STYXL1: variants seen among roughly 807,000 people sequenced by gnomAD.
STYXL1 encodes the protein serine/threonine/tyrosine-interacting-like protein 1.
Under a neutral mutation model 36.4 loss-of-function variants are expected in STYXL1, and 32 were observed. The ratio of observed to expected loss-of-function variants is 0.88; its 90% CI spans 0.66 to 1.18. The LOEUF is 1.18. STYXL1 is among the 50% of genes most tolerant of loss of function. STYXL1 has a pLI of 0.00. For missense variants in STYXL1, 354 were observed against 394.1 expected (o/e 0.90, Z 0.86); for synonymous variants, 133 against 144.1 (o/e 0.92, Z 0.55).
intron 5 of STYXL1, among the ~76,000 whole-genome samples, chr7:76,005,854 AGGAGAGAGGAGGAAGAGAGAG>A (rs1563467819): frequency 3.4e-3 from 81 of 23,922 alleles, no homozygotes; most frequent in Non-Finnish European, 7.2e-3. Context: ...AAGAGAGAGG[AGGAGAGAGGAGGAAGAGAGAG>A]GAGGAGAGAG....
intron 1 of STYXL1, among the ~76,000 whole-genome samples, chr7:76,035,646 CTTTGGCAGTG>C (rs1554580559): frequency 6.7e-6 from 1 of 149,822 alleles, no homozygotes; most frequent in African/African-American, 2.4e-5. Flanking sequence ...AGCCAGGCCA[CTTTGGCAGTG>C]GTAAGTATAG....
chr7:76,039,595 G>A (rs957823246), intron 1 of STYXL1, among the ~76,000 whole-genome samples: 1 of 152,146 alleles, frequency 6.6e-6, no homozygotes, highest in African/African-American at 2.4e-5. Context: ...AGAGGAGGAG[G>A]AGACCAGGGC....
At chr7:76,006,342 T>C (rs1382308396) in intron 5 of STYXL1, among the ~76,000 whole-genome samples, 2 of 152,080 alleles carry the variant, frequency 1.3e-5, no homozygotes, top group African/African-American at 4.8e-5. Context: ...CCTCCCAAAG[T>C]GTTGGGATAC....
intron 5 of STYXL1, among the ~76,000 whole-genome samples, chr7:76,008,616 G>T (rs937426958): frequency 4.2e-4 from 64 of 152,280 alleles, no homozygotes; most frequent in African/African-American, 1.5e-3. Flanking sequence ...CTGCGGGCAG[G>T]CCCAATTTAC....
chr7:76,004,942 A>C (rs1791470689), intron 6 of STYXL1, among the ~76,000 whole-genome samples: 1 of 152,140 alleles, frequency 6.6e-6, no homozygotes, highest in African/African-American at 2.4e-5. Flanking sequence ...CGGAGCTTGC[A>C]GTGAGCCGAG....
In STYXL1 at chr7:75,996,505, C is replaced by T. The variant is rs373438392; in HGVS notation, c.905G>A (p.Gly302Glu). The T allele has an allele frequency of 3.7e-6, 6 of 1,614,084 alleles. No individual in the cohort carries two copies. Among genetic ancestry groups the T allele is most frequent in the African/African-American group, 1.3e-5 (1 of 74,936 alleles). Reference protein sequence around the residue: ...QLLEWEKTILGDSITNIMDPL... With the variant: ...QLLEWEKTILEDSITNIMDPL... ...ATCCATGATGTTTGTGATGGAATCTCCAAGGATAGTCTTCTCCCATTCCAG... is the reference window on the plus strand; with the variant it reads ...ATCCATGATGTTTGTGATGGAATCTTCAAGGATAGTCTTCTCCCATTCCAG... Residue 302 changes from glycine (G) to glutamate (E), a missense_variant, in exon 9 of 9, where the codon GGA becomes GAA. Transcript: ENST00000359697.
intron 1 of STYXL1, among the ~76,000 whole-genome samples, chr7:76,038,422 A>ATTT (rs1554581241): frequency 7.6e-6 from 1 of 132,228 alleles, no homozygotes; most frequent in Non-Finnish European, 1.6e-5. Flanking sequence ...ATTGAATGAC[A>ATTT]TTTTTTTTTT....
chr7:76,013,989 T>C, intron 4 of STYXL1, 102 bp from the exon 5 acceptor site: 1 of 1,329,478 alleles, frequency 7.5e-7, no homozygotes, highest in Non-Finnish European at 1.0e-6. Flanking sequence ...TTATTTTATT[T>C]ATTTTCTGAG....
At chr7:76,039,848 C>A (rs954905171) in intron 1 of STYXL1, among the ~76,000 whole-genome samples, 40 of 152,140 alleles carry the variant, frequency 2.6e-4, no homozygotes, top group African/African-American at 9.2e-4. Flanking sequence ...GGTTTCACCA[C>A]GTTGGCCAGC....
rs376957588 is a variant in STYXL1, at chr7:76,013,695, C to T, written c.453+47G>A. ...AGTCACCCACAAGTCAGTTTCTAGGCCCATCCTTCCCGTCTGGGCCTGCCT... is the reference window on the plus strand; with the variant it reads ...AGTCACCCACAAGTCAGTTTCTAGGTCCATCCTTCCCGTCTGGGCCTGCCT... On this transcript the variant is annotated intron_variant, in intron 5 of 8. Transcript: ENST00000359697. 4 of 1,612,748 alleles carry T rather than the reference C, an allele frequency of 2.5e-6. No homozygotes were observed. In the African/African-American group the frequency reaches 4.0e-5, roughly 16 times the overall value.
At chr7:76,021,580 C>CA (rs1354290985) in intron 4 of STYXL1, among the ~76,000 whole-genome samples, 1 of 152,136 alleles carries the variant, frequency 6.6e-6, no homozygotes, top group African/African-American at 2.4e-5. Flanking sequence ...TTTCCTCAAC[C>CA]AATCAATGAC....
At chr7:76,024,019 A>G (rs1470543283) in intron 3 of STYXL1, among the ~76,000 whole-genome samples, 1 of 152,072 alleles carries the variant, frequency 6.6e-6, no homozygotes, top group Non-Finnish European at 1.5e-5. Flanking sequence ...TCAAAACAAC[A>G]AGAACACCAC....
At chr7:76,039,028 ACCTCCG>A (rs1469761108) in intron 1 of STYXL1, among the ~76,000 whole-genome samples, 2 of 145,064 alleles carry the variant, frequency 1.4e-5, no homozygotes, top group Non-Finnish European at 3.0e-5. Context: ...GCTCACCACA[ACCTCCG>A]CCTCCCAGGT....
chr7:76,044,369 T>G (rs145544166), intron 1 of STYXL1: 23 of 152,372 alleles, frequency 1.5e-4, no homozygotes, highest in African/African-American at 4.1e-4. Context: ...AGGCTGGTAT[T>G]GAACTCCTGG....
chr7:76,030,242 G>A (rs1339690104), intron 2 of STYXL1, among the ~76,000 whole-genome samples, 179 bp downstream of exon 2: 5 of 151,940 alleles, frequency 3.3e-5, no homozygotes, highest in African/African-American at 7.3e-5. Flanking sequence ...CAAGTGATTC[G>A]CCCACCTTGG....
At position 76,039,634 on chromosome 7, in the gene STYXL1, CA is replaced by C. The variant is rs201314241; in HGVS notation, c.-5+8027del. On this transcript the variant is annotated intron_variant, in intron 1 of 8. Coordinates refer to ENST00000359697, the MANE Select transcript of STYXL1 (RefSeq NM_001317785.2). Reference sequence around the variant, plus strand: ...CATAACCTCCTAACTTTGCCTTGATCATCACTAGTATCTACTATCACCTTTT... The same window carrying C: ...CATAACCTCCTAACTTTGCCTTGATCTCACTAGTATCTACTATCACCTTTT... 9.8e-3 allele frequency among the ~76,000 whole-genome samples: 1,485 copies of C among 152,276 alleles called. 29 individuals are homozygous for C. Among genetic ancestry groups the C allele is most frequent in the African/African-American group, 0.032 (1,329 of 41,548 alleles).
chr7:76,031,372 C>T (rs1554579273), intron 1 of STYXL1, among the ~76,000 whole-genome samples: 1 of 123,178 alleles, frequency 8.1e-6, no homozygotes, highest in East Asian at 2.6e-4. Context: ...ATATATTGAA[C>T]TTCAAACAAA....
intron 2 of STYXL1, 46 bp from the exon 3 acceptor site, chr7:76,028,749 C>T (rs373504175): frequency 4.6e-5 from 71 of 1,544,846 alleles, no homozygotes; most frequent in Middle Eastern, 3.4e-4. Flanking sequence ...AAGGAACATA[C>T]GACCAAACTA....
intron 1 of STYXL1, among the ~76,000 whole-genome samples, chr7:76,042,587 T>C (rs1419724242): frequency 6.6e-6 from 1 of 151,564 alleles, no homozygotes; most frequent in Non-Finnish European, 1.5e-5. Flanking sequence ...TTTGTATTTT[T>C]AGTAGAGACG....
Sources: allele counts gnomAD v4.1 joint callset (sites outside exome capture counted in the v4.1 genomes callset), GRCh38; gene constraint gnomAD v4.1.1; transcripts MANE v1.5; gene names NCBI Gene and HGNC (gene_info 2026-07-23, HGNC 2026-07-21).